SPMAP2L: variants seen among roughly 807,000 people sequenced by gnomAD.
SPMAP2L encodes sperm microtubule associated protein 2-like.
chr4:56,552,748 G>T, the SPMAP2L span: 1 of 619,306 alleles, frequency 1.6e-6, no homozygotes, highest in Non-Finnish European at 2.9e-6. Flanking sequence ...TAGTCAGCAT[G>T]TAAAAGGCTA....
At chr4:56,619,310 T>A in the SPMAP2L span, among the ~76,000 whole-genome samples, 1 of 152,344 alleles carries the variant, frequency 6.6e-6, no homozygotes, top group South Asian at 2.1e-4. Context: ...GAGGAACTAC[T>A]GTATAGGTAC....
the SPMAP2L span, among the ~76,000 whole-genome samples, chr4:56,574,867 A>C: frequency 6.6e-6 from 1 of 152,026 alleles, no homozygotes; most frequent in African/African-American, 2.4e-5. Flanking sequence ...CTGTGATCCC[A>C]GCTACTCGGG....
the SPMAP2L span, among the ~76,000 whole-genome samples, chr4:56,544,177 T>C: frequency 6.6e-6 from 1 of 151,938 alleles, no homozygotes; most frequent in Non-Finnish European, 1.5e-5. Flanking sequence ...TTTGTAGAGA[T>C]GGAATTTCAC....
chr4:56,531,407 T>C, the SPMAP2L span, among the ~76,000 whole-genome samples: 1 of 152,314 alleles, frequency 6.6e-6, no homozygotes, highest in East Asian at 1.9e-4. Flanking sequence ...AAGCTGAATC[T>C]CTTGTCTTCC....
At chr4:56,618,802 C>T in the SPMAP2L span, among the ~76,000 whole-genome samples, 1 of 152,172 alleles carries the variant, frequency 6.6e-6, no homozygotes, top group Non-Finnish European at 1.5e-5. Context: ...GCCAAAGCAG[C>T]ACGGAGCTTA....
the SPMAP2L span, among the ~76,000 whole-genome samples, chr4:56,563,988 G>A: frequency 1.4e-4 from 22 of 152,094 alleles, no homozygotes; most frequent in African/African-American, 5.1e-4. Context: ...TGGGCCTAGA[G>A]TTTTTTGGTG....
At chr4:56,585,151 A>AT in the SPMAP2L span, among the ~76,000 whole-genome samples, 1 of 152,316 alleles carries the variant, frequency 6.6e-6, no homozygotes, top group East Asian at 1.9e-4. Flanking sequence ...TTGTCCAATC[A>AT]TTGCTCTAAC....
At chr4:56,592,120 T>G in the SPMAP2L span, among the ~76,000 whole-genome samples, 17,151 of 152,192 alleles carry the variant, frequency 0.11, 1,090 homozygotes, top group East Asian at 0.21. Context: ...GGCATTAGAT[T>G]CTCATAGGAG....
At chr4:56,581,618 TAA>T in the SPMAP2L span, among the ~76,000 whole-genome samples, 7 of 138,638 alleles carry the variant, frequency 5.0e-5, no homozygotes, top group Admixed American at 1.5e-4. Flanking sequence ...AGACCCTGTC[TAA>T]AAAAAAAAAA....
the SPMAP2L span, among the ~76,000 whole-genome samples, chr4:56,542,795 G>A: frequency 6.6e-6 from 1 of 152,098 alleles, no homozygotes; most frequent in African/African-American, 2.4e-5. Context: ...GTGGGTTCAG[G>A]TGAGGTCAGC....
the SPMAP2L span, among the ~76,000 whole-genome samples, chr4:56,550,672 A>C: frequency 1.3e-5 from 2 of 152,152 alleles, no homozygotes; most frequent in Non-Finnish European, 2.9e-5. Context: ...GTGTGGTTTC[A>C]AAAAAGTTTT....
chr4:56,543,996 G>C, the SPMAP2L span, among the ~76,000 whole-genome samples: 3 of 150,888 alleles, frequency 2.0e-5, no homozygotes, highest in African/African-American at 7.3e-5. Context: ...GAGAGAGAGA[G>C]AGAGAGAGAG....
chr4:56,557,406 C>A, the SPMAP2L span, among the ~76,000 whole-genome samples: 2 of 152,132 alleles, frequency 1.3e-5, no homozygotes, highest in African/African-American at 4.8e-5. Context: ...AGGAAACATT[C>A]AAAGAATTTG....
At chr4:56,568,174 C>T in the SPMAP2L span, among the ~76,000 whole-genome samples, 1 of 152,132 alleles carries the variant, frequency 6.6e-6, no homozygotes, top group Admixed American at 6.5e-5. Context: ...ACTTAACATG[C>T]TCAATCTTTT....
chr4:56,601,531 G>A, the SPMAP2L span, among the ~76,000 whole-genome samples: 1 of 152,256 alleles, frequency 6.6e-6, no homozygotes, highest in East Asian at 1.9e-4. Flanking sequence ...GGCAGAGGTG[G>A]GAAGATCGCT....
the SPMAP2L span, among the ~76,000 whole-genome samples, chr4:56,602,567 C>T: frequency 3.3e-5 from 5 of 152,142 alleles, no homozygotes; most frequent in Admixed American, 2.6e-4. Context: ...TAGTGGTGCA[C>T]GTCTGTAGTC....
the SPMAP2L span, among the ~76,000 whole-genome samples, chr4:56,570,473 C>A: frequency 6.6e-6 from 1 of 152,130 alleles, no homozygotes; most frequent in African/African-American, 2.4e-5. Flanking sequence ...TTACAGAATA[C>A]CTTAGGCAAT....
the SPMAP2L span, among the ~76,000 whole-genome samples, chr4:56,547,200 T>C: frequency 6.6e-6 from 1 of 152,040 alleles, no homozygotes; most frequent in African/African-American, 2.4e-5. Flanking sequence ...TATATGTAAG[T>C]GATGTACATG....
the SPMAP2L span, chr4:56,530,968 T>C: frequency 6.5e-7 from 1 of 1,535,258 alleles, no homozygotes; most frequent in Non-Finnish European, 8.7e-7. Flanking sequence ...CCGGGACTCC[T>C]ATGCACCTTA....
Sources: gnomAD v4.1 joint callset for allele counts (sites outside exome capture counted in the v4.1 genomes callset) on GRCh38, gnomAD v4.1.1 for gene constraint, MANE v1.5 for transcripts, NCBI Gene and HGNC (gene_info 2026-07-23, HGNC 2026-07-21) for gene names.